Variants in AIG1 observed in about 807,000 individuals in gnomAD.
AIG1 encodes androgen-induced gene 1 protein.
A neutral mutation model predicts 31.4 loss-of-function variants in AIG1; 23 were observed. The ratio of observed to expected loss-of-function variants is 0.73; its 90% CI spans 0.53 to 1.04. The LOEUF (loss-of-function observed/expected upper bound fraction) is 1.04. Among genes scored for constraint, AIG1 ranks in the 50% least tolerant of loss-of-function variants. The pLI, the probability that AIG1 is intolerant of heterozygous loss-of-function variation, is 0.00. For synonymous variants in AIG1, 100 were observed against 110.5 expected (o/e 0.90, Z 0.60); for missense variants, 274 against 295.0 (o/e 0.93, Z 0.52).
intron 1 of AIG1, among the ~76,000 whole-genome samples, chr6:143,089,394 G>A (rs543416315): frequency 1.3e-5 from 2 of 152,142 alleles, no homozygotes; most frequent in East Asian, 3.9e-4. Flanking sequence ...TTCCATCTAT[G>A]AGCTCTCTGA....
intron 3 of AIG1, among the ~76,000 whole-genome samples, chr6:143,240,353 A>G (rs1158799817): frequency 6.6e-6 from 1 of 152,258 alleles, no homozygotes. Flanking sequence ...CCTAGAAATT[A>G]AGTATAACTT....
intron 1 of AIG1, chr6:143,061,322 G>A (rs1776238402): frequency 1.1e-5 from 7 of 615,264 alleles, no homozygotes; most frequent in Middle Eastern, 2.6e-4. Flanking sequence ...AAATGGAGGT[G>A]GGGCGCAGCC....
chr6:143,258,082 A>G lies in AIG1; in HGVS notation c.400-26028A>G, dbSNP rs980908093. Among the ~76,000 whole-genome samples, 8 of 152,224 alleles carry G rather than the reference A, an allele frequency of 5.3e-5. No individual in the cohort carries two copies. The highest frequency in any genetic ancestry group is 4.6e-4 in the Admixed American group (7 of 15,288). On this transcript the variant is annotated intron_variant, in intron 3 of 5. Coordinates refer to ENST00000357847, the MANE Select transcript of AIG1 (RefSeq NM_016108.4). The surrounding 1 kb of genome is among the most constrained non-coding windows in gnomAD (Gnocchi z 4.7). Reference sequence around the variant, plus strand: ...CCAACCTGATGCCCAGAGTCCTCCAATTGAATCCATGGTATCAACAGTATT... The same window carrying G: ...CCAACCTGATGCCCAGAGTCCTCCAGTTGAATCCATGGTATCAACAGTATT...
chr6:143,176,738 T>G (rs1345922876), intron 3 of AIG1, among the ~76,000 whole-genome samples: 2 of 152,222 alleles, frequency 1.3e-5, no homozygotes, highest in Non-Finnish European at 2.9e-5. Context: ...ACAGTTTATT[T>G]CCAGGCAGCT....
intron 1 of AIG1, among the ~76,000 whole-genome samples, chr6:143,127,753 T>C (rs377308629): frequency 4.6e-5 from 7 of 152,046 alleles, no homozygotes; most frequent in African/African-American, 1.7e-4. Flanking sequence ...AGTGGTACAA[T>C]CTTGGCTCAC....
intron 1 of AIG1, among the ~76,000 whole-genome samples, chr6:143,095,629 T>C (rs771854226): frequency 4.1e-4 from 63 of 152,160 alleles, no homozygotes; most frequent in Non-Finnish European, 7.2e-4. Flanking sequence ...AAAATTGTCT[T>C]CTAAAAATTT....
chr6:143,235,167 A>C (rs1793718628), intron 3 of AIG1, among the ~76,000 whole-genome samples: 1 of 152,200 alleles, frequency 6.6e-6, no homozygotes, highest in African/African-American at 2.4e-5. Flanking sequence ...AAATGGTGAC[A>C]TACAACCTAA....
chr6:143,260,452 A>C, intron 3 of AIG1, among the ~76,000 whole-genome samples: 1 of 152,166 alleles, frequency 6.6e-6, no homozygotes, highest in East Asian at 1.9e-4. Flanking sequence ...GAAACCAGTA[A>C]ATTTTATTCA....
At chr6:143,222,170 G>C (rs1583549779) in intron 3 of AIG1, among the ~76,000 whole-genome samples, 1 of 152,104 alleles carries the variant, frequency 6.6e-6, no homozygotes, top group Admixed American at 6.5e-5. Context: ...TGTTTCTGTA[G>C]TCTCAGCTCA....
chr6:143,218,118 T>C (rs1792177790), intron 3 of AIG1, among the ~76,000 whole-genome samples: 3 of 152,260 alleles, frequency 2.0e-5, no homozygotes, highest in Non-Finnish European at 4.4e-5. Flanking sequence ...CTAAATGAAC[T>C]CCATAAAGAA....
In AIG1 at chr6:143,288,629, A is replaced by C. The variant is rs1381376305; in HGVS notation, c.515+4404A>C. 1.3e-5 allele frequency among the ~76,000 whole-genome samples: 2 copies of C among 152,236 alleles called. No homozygotes were observed. The highest frequency in any genetic ancestry group is 2.9e-5 in the Non-Finnish European group (2 of 68,044). ...CTTTCCAACACAGAAAATAAAACAA[A>C]GTCAAGTCAGAAGTGTTAATGGAAA... On this transcript the variant is annotated intron_variant, in intron 4 of 5. Coordinates refer to ENST00000357847, the MANE Select transcript of AIG1 (RefSeq NM_016108.4). This position sits in a 1 kb window ranked among gnomAD's most constrained non-coding sequence, Gnocchi z 4.4.
intron 2 of AIG1, among the ~76,000 whole-genome samples, chr6:143,156,366 T>C (rs955532651): frequency 6.6e-6 from 1 of 152,194 alleles, no homozygotes; most frequent in African/African-American, 2.4e-5. Context: ...GTCAGAAGAA[T>C]TGCAGAAGAC....
At chr6:143,300,180 G>A (rs1034087931) in intron 4 of AIG1, among the ~76,000 whole-genome samples, 17 of 152,120 alleles carry the variant, frequency 1.1e-4, no homozygotes, top group Non-Finnish European at 1.5e-5. Flanking sequence ...CTAGGACTGG[G>A]GACCAATGAG....
intron 3 of AIG1, among the ~76,000 whole-genome samples, chr6:143,210,956 GT>G (rs2128615391): frequency 6.6e-6 from 1 of 152,224 alleles, no homozygotes; most frequent in South Asian, 2.1e-4. Context: ...GTTTTATGAA[GT>G]TTTTTCCTCC....
chr6:143,221,774 C>T (rs1224337201), intron 3 of AIG1, among the ~76,000 whole-genome samples: 4 of 152,146 alleles, frequency 2.6e-5, no homozygotes, highest in East Asian at 1.9e-4. Context: ...ATGTAACGTG[C>T]TTACAGCAGT....
chr6:143,290,358 G>A (rs1038118009), intron 4 of AIG1, among the ~76,000 whole-genome samples: 4 of 152,202 alleles, frequency 2.6e-5, no homozygotes, highest in African/African-American at 9.7e-5. Flanking sequence ...TGCTTCCGGG[G>A]TCTTGTGTTC....
At chr6:143,205,014 T>G (rs904001783) in intron 3 of AIG1, among the ~76,000 whole-genome samples, 1 of 152,196 alleles carries the variant, frequency 6.6e-6, no homozygotes, top group African/African-American at 2.4e-5. Context: ...ACCAGACATG[T>G]CTTCCACAGA....
chr6:143,114,593 G>A (rs1026246559), intron 1 of AIG1, among the ~76,000 whole-genome samples: 15 of 152,150 alleles, frequency 9.9e-5, no homozygotes, highest in African/African-American at 2.4e-4. Flanking sequence ...GGAATAAAAC[G>A]TTCAGGTTGT....
chr6:143,136,804 A>G, intron 1 of AIG1, 31 bp from the exon 2 acceptor site: 1 of 1,336,082 alleles, frequency 7.5e-7, no homozygotes, highest in Non-Finnish European at 9.7e-7. Context: ...CCAGATCTTA[A>G]TGACTCATAC....
Sources: gnomAD v4.1 joint callset for allele counts (sites outside exome capture counted in the v4.1 genomes callset) on GRCh38, gnomAD v4.1.1 for gene constraint, Gnocchi (gnomAD v3.1) non-coding constraint, MANE v1.5 for transcripts, NCBI Gene and HGNC (gene_info 2026-07-23, HGNC 2026-07-21) for gene names.